Variants in PPM1H observed in about 807,000 individuals in gnomAD.
The protein encoded by PPM1H is protein phosphatase 1H.
A neutral mutation model predicts 54.9 loss-of-function variants in PPM1H; 27 were observed. The ratio of observed to expected loss-of-function variants is 0.49; its 90% CI spans 0.36 to 0.68. The LOEUF (loss-of-function observed/expected upper bound fraction) is 0.68. Ranked by LOEUF, PPM1H falls within the 30% of genes least tolerant of loss-of-function variation. PPM1H has a pLI of 0.00. For synonymous variants in PPM1H, 305 were observed against 270.8 expected, an observed-to-expected ratio of 1.13 and a Z score of -1.24; for missense variants, 596 against 667.8, an observed-to-expected ratio of 0.89 and a Z score of 1.19.
chr12:62,796,111 G>A (rs190401182), intron 3 of PPM1H, among the ~76,000 whole-genome samples: 8 of 152,312 alleles, frequency 5.3e-5, no homozygotes, highest in African/African-American at 1.9e-4. Flanking sequence ...ACTAGTGACT[G>A]AGAAGAGCAG....
At chr12:62,855,876 G>A (rs1869366151) in intron 1 of PPM1H, among the ~76,000 whole-genome samples, 1 of 152,188 alleles carries the variant, frequency 6.6e-6, no homozygotes, top group Admixed American at 6.5e-5. Context: ...AAGGGACATA[G>A]TTACTTTGAA....
At position 62,733,351 on chromosome 12, in the gene PPM1H, T is replaced by C. The variant is rs575954260; in HGVS notation, c.954+4151A>G. On this transcript the variant is annotated intron_variant, in intron 5 of 9. Coordinates refer to ENST00000228705, the MANE Select transcript of PPM1H (RefSeq NM_020700.2). ...CTTACTGCAACCTCCGCCTCCCAGGTTCAAGCAATTCTCCTGCCTCAGCCT... is the reference window on the plus strand; with the variant it reads ...CTTACTGCAACCTCCGCCTCCCAGGCTCAAGCAATTCTCCTGCCTCAGCCT... Among the ~76,000 whole-genome samples the C allele has an allele frequency of 5.9e-5, 9 of 152,204 alleles. No homozygotes were observed. The South Asian group carries it at 1.9e-3, about 32-fold the overall frequency.
At chr12:62,655,439 A>C (rs2075838615) in intron 9 of PPM1H, among the ~76,000 whole-genome samples, 2 of 152,172 alleles carry the variant, frequency 1.3e-5, no homozygotes, top group South Asian at 4.1e-4. Flanking sequence ...TCTACCTTAC[A>C]TCAGGGATCC....
chr12:62,715,379 G>A (rs1373879576), intron 6 of PPM1H, among the ~76,000 whole-genome samples: 1 of 151,950 alleles, frequency 6.6e-6, no homozygotes, highest in African/African-American at 2.4e-5. Flanking sequence ...AATGAACTCA[G>A]CACTGGGGGC....
At chr12:62,745,919 A>G (rs1592576457) in intron 4 of PPM1H, among the ~76,000 whole-genome samples, 1 of 152,226 alleles carries the variant, frequency 6.6e-6, no homozygotes, top group African/African-American at 2.4e-5. Flanking sequence ...TAGACCAGGC[A>G]TGACGGCTCA....
At chr12:62,748,404 G>C (rs2076424187) in intron 4 of PPM1H, among the ~76,000 whole-genome samples, 2 of 152,110 alleles carry the variant, frequency 1.3e-5, no homozygotes, top group South Asian at 4.1e-4. Flanking sequence ...AAAGTGCTTT[G>C]AGGCTCTAGT....
intron 8 of PPM1H, among the ~76,000 whole-genome samples, chr12:62,689,237 G>T (rs61919540): frequency 0.058 from 8,760 of 152,290 alleles, 383 homozygotes; most frequent in East Asian, 0.19. Context: ...AAGCAAATAT[G>T]GGAAACCTAA....
intron 3 of PPM1H, among the ~76,000 whole-genome samples, chr12:62,794,921 TTGGTCCTTTAGGAAGCCA>T (rs1244372396): frequency 6.6e-6 from 1 of 152,182 alleles, no homozygotes. Context: ...TCCTGAGATT[TTGGTCCTTTAGGAAGCCA>T]TGGCTCACTT....
chr12:62,908,361 C>G (rs897070355), intron 1 of PPM1H, among the ~76,000 whole-genome samples: 1 of 137,470 alleles, frequency 7.3e-6, no homozygotes. Context: ...GAGCTGAGGT[C>G]ATGCCACTGC....
At chr12:62,904,960 C>A (rs1871263270) in intron 1 of PPM1H, among the ~76,000 whole-genome samples, 1 of 152,132 alleles carries the variant, frequency 6.6e-6, no homozygotes, top group Admixed American at 6.5e-5. Flanking sequence ...CAGCAGCATT[C>A]ACTCCTAATA....
At chr12:62,735,029 G>A (rs377621943) in intron 5 of PPM1H, among the ~76,000 whole-genome samples, 2 of 152,104 alleles carry the variant, frequency 1.3e-5, no homozygotes, top group East Asian at 1.9e-4. Flanking sequence ...GGACGACAGA[G>A]TGAAACCCTG....
chr12:62,768,354 A>T (rs1303121169), intron 4 of PPM1H, among the ~76,000 whole-genome samples: 3 of 152,146 alleles, frequency 2.0e-5, no homozygotes, highest in Non-Finnish European at 4.4e-5. Context: ...TCTGAGGGAC[A>T]ATCCGGGATG....
chr12:62,889,176 T>A (rs540627364), intron 1 of PPM1H, among the ~76,000 whole-genome samples: 1 of 152,310 alleles, frequency 6.6e-6, no homozygotes, highest in Admixed American at 6.5e-5. Flanking sequence ...CCCAATATTG[T>A]CATGATATCA....
chr12:62,903,226 C>T (rs1240953187), intron 1 of PPM1H, among the ~76,000 whole-genome samples: 2 of 152,132 alleles, frequency 1.3e-5, no homozygotes, highest in Admixed American at 1.3e-4. Flanking sequence ...GACATGCCTC[C>T]ATCCACATCA....
intron 4 of PPM1H, among the ~76,000 whole-genome samples, chr12:62,738,306 T>C (rs2076361463): frequency 6.6e-6 from 1 of 152,012 alleles, no homozygotes; most frequent in Non-Finnish European, 1.5e-5. Context: ...CACAGGGATG[T>C]CTGAGAATGT....
chr12:62,677,903 G>A (rs77589626), intron 8 of PPM1H, among the ~76,000 whole-genome samples: 2 of 152,348 alleles, frequency 1.3e-5, no homozygotes, highest in East Asian at 3.9e-4. Context: ...CAGATCTAGT[G>A]ATTCAGATTT....
At chr12:62,721,900 T>C (rs1343449338) in intron 5 of PPM1H, among the ~76,000 whole-genome samples, 1 of 152,158 alleles carries the variant, frequency 6.6e-6, no homozygotes, top group African/African-American at 2.4e-5. Flanking sequence ...AGTACTACAC[T>C]CAGTGCTTTG....
chr12:62,916,708 A>G (rs549071624), intron 1 of PPM1H, among the ~76,000 whole-genome samples: 116 of 152,298 alleles, frequency 7.6e-4, no homozygotes, highest in African/African-American at 2.7e-3. Context: ...TACTATAGAA[A>G]TGGATGCTGA....
chr12:62,693,119 T>G (rs1056567929), intron 7 of PPM1H, among the ~76,000 whole-genome samples: 2 of 152,212 alleles, frequency 1.3e-5, no homozygotes, highest in Admixed American at 6.5e-5. Context: ...TGAAATGTAT[T>G]AGTGTTCCGA....
Sources: allele counts gnomAD v4.1 joint callset (sites outside exome capture counted in the v4.1 genomes callset), GRCh38; gene constraint gnomAD v4.1.1; transcripts MANE v1.5; gene names NCBI Gene and HGNC (gene_info 2026-07-23, HGNC 2026-07-21).